PIK3CA: variants seen among roughly 807,000 people sequenced by gnomAD.
PIK3CA encodes phosphatidylinositol 4,5-bisphosphate 3-kinase catalytic subunit alpha isoform.
A neutral mutation model predicts 138.2 loss-of-function variants in PIK3CA; 27 were observed. That is an observed-to-expected ratio of 0.20 (90% CI 0.14 to 0.27). The LOEUF (loss-of-function observed/expected upper bound fraction) is 0.27, where lower values mean the gene tolerates loss of function less well. Ranked by LOEUF, PIK3CA falls within the 10% of genes least tolerant of loss-of-function variation. The pLI, the probability that PIK3CA is intolerant of heterozygous loss-of-function variation, is 1.00. For synonymous variants in PIK3CA, 358 were observed against 413.2 expected (o/e 0.87, Z 1.62); for missense variants, 544 against 1,277.4 (o/e 0.43, Z 8.75).
intron 7 of PIK3CA, 66 bp downstream of exon 7, chr3:179,209,766 A>AT: frequency 2.5e-6 from 2 of 803,608 alleles, no homozygotes; most frequent in South Asian, 2.2e-5. Context: ...CGCTGATTGA[A>AT]TTTTTTCACA....
intron 1 of PIK3CA, among the ~76,000 whole-genome samples, chr3:179,158,013 A>G (rs1184555834): frequency 6.6e-6 from 1 of 152,134 alleles, no homozygotes; most frequent in Non-Finnish European, 1.5e-5. Flanking sequence ...AGTATCTGTG[A>G]ACTCCTTGAG....
chr3:179,194,350 A>G (rs1266100720), intron 1 of PIK3CA, among the ~76,000 whole-genome samples: 1 of 152,102 alleles, frequency 6.6e-6, no homozygotes. Context: ...CAGCCTCCTG[A>G]GTACCTGGGA....
chr3:179,224,313 C>A, intron 15 of PIK3CA, 126 bp downstream of exon 15: 1 of 548,762 alleles, frequency 1.8e-6, no homozygotes, highest in Non-Finnish European at 3.2e-6. Context: ...CTCTCATTCT[C>A]CTACCCTCAA....
At chr3:179,166,987 T>C (rs1204039114) in intron 1 of PIK3CA, among the ~76,000 whole-genome samples, 1 of 152,168 alleles carries the variant, frequency 6.6e-6, no homozygotes, top group African/African-American at 2.4e-5. Flanking sequence ...GTCAGCTTTT[T>C]ACTTTTTCTG....
intron 20 of PIK3CA, chr3:179,233,494 A>C (rs1188105074): frequency 1.3e-5 from 5 of 393,646 alleles, no homozygotes; most frequent in East Asian, 7.2e-5. Context: ...TGTTGAGCTA[A>C]TTAAGGCCTA....
chr3:179,151,320 T>C (rs568304277), intron 1 of PIK3CA, among the ~76,000 whole-genome samples: 1 of 152,348 alleles, frequency 6.6e-6, no homozygotes, highest in South Asian at 2.1e-4. Context: ...CTCCTTTCAC[T>C]GTATCATGCT....
intron 17 of PIK3CA, among the ~76,000 whole-genome samples, chr3:179,226,290 G>T (rs1725080576): frequency 6.6e-6 from 1 of 152,002 alleles, no homozygotes; most frequent in Admixed American, 6.6e-5. Flanking sequence ...TCACCATTAG[G>T]AACAAGACAA....
Position 179,234,144 on chromosome 3 carries a change from A to G in PIK3CA, c.2987A>G (p.Asn996Ser), listed in dbSNP as rs1245520052. Residue 996 changes from asparagine (N) to serine (S), a missense_variant, in exon 21 of 21, where the codon AAT becomes AGT. Around this residue, in one of 14 missense-constraint regions of PIK3CA, gnomAD observed 13 missense variants for 17.3 expected, o/e 0.75. Transcript: ENST00000263967. The surrounding 1 kb of genome is among the most constrained non-coding windows in gnomAD (Gnocchi z 5.1). Reference sequence around the variant, plus strand: ...TATCTAGCTATTCGACAGCATGCCAATCTCTTCATAAATCTTTTCTCAATG... The same window carrying G: ...TATCTAGCTATTCGACAGCATGCCAGTCTCTTCATAAATCTTTTCTCAATG... ...KAYLAIRQHA[N>S]LFINLFSMML... 1.2e-6 allele frequency: 2 copies of G among 1,612,892 alleles called. No homozygotes were observed. Among genetic ancestry groups the G allele is most frequent in the East Asian group, 2.2e-5 (1 of 44,866 alleles).
Position 179,234,182 on chromosome 3 carries a change from G to A in PIK3CA, c.3025G>A (p.Gly1009Arg), listed in dbSNP as rs778888233. Residue 1009 changes from glycine (G) to arginine (R), a missense_variant, in exon 21 of 21, where the codon GGA becomes AGA. Around this residue, in one of 14 missense-constraint regions of PIK3CA, gnomAD observed 12 missense variants for 75.3 expected, o/e 0.16. Transcript: ENST00000263967. The surrounding 1 kb of genome is among the most constrained non-coding windows in gnomAD (Gnocchi z 5.1). ...TCTTTTCTCAATGATGCTTGGCTCT[G>A]GAATGCCAGAACTACAATCTTTTGA... The part of the protein sequence containing the change: ...INLFSMMLGS[G>R]MPELQSFDDI... 1 of 1,613,600 alleles carries A rather than the reference G, an allele frequency of 6.2e-7. No individual in the cohort carries two copies. The highest frequency in any genetic ancestry group is 1.1e-5 in the South Asian group (1 of 91,050).
chr3:179,194,509 A>G (rs1018116195), intron 1 of PIK3CA, among the ~76,000 whole-genome samples: 1 of 151,988 alleles, frequency 6.6e-6, no homozygotes, highest in African/African-American at 2.4e-5. Flanking sequence ...GTGAGCCACA[A>G]CCCCCAGCCC....
intron 9 of PIK3CA, 144 bp from the exon 10 acceptor site, chr3:179,218,066 A>G (rs1368783493): frequency 8.5e-6 from 6 of 708,214 alleles, no homozygotes; most frequent in Non-Finnish European, 1.3e-5. Flanking sequence ...AAAGTCTTGC[A>G]ATGAAAATAA....
chr3:179,180,711 G>C (rs1405436767), intron 1 of PIK3CA, among the ~76,000 whole-genome samples: 2 of 152,136 alleles, frequency 1.3e-5, no homozygotes, highest in East Asian at 3.8e-4. Flanking sequence ...AGCAGAGTAA[G>C]AGGTACCAAC....
intron 6 of PIK3CA, among the ~76,000 whole-genome samples, chr3:179,208,376 C>T (rs1724622587): frequency 6.6e-6 from 1 of 152,164 alleles, no homozygotes. Context: ...ATATGAGCTT[C>T]TATCATGGGA....
At chr3:179,222,005 G>C (rs1049055778) in intron 14 of PIK3CA, among the ~76,000 whole-genome samples, 3 of 151,904 alleles carry the variant, frequency 2.0e-5, no homozygotes, top group African/African-American at 4.8e-5. Context: ...ACTGTGCCTA[G>C]CCCAATGTAA....
intron 1 of PIK3CA, among the ~76,000 whole-genome samples, chr3:179,160,126 A>AT (rs1032519345): frequency 1.3e-5 from 2 of 152,116 alleles, no homozygotes; most frequent in African/African-American, 4.8e-5. Flanking sequence ...GCTACACTAG[A>AT]TTTTTTAAAA....
chr3:179,195,579 A>G (rs1404654700), intron 1 of PIK3CA, among the ~76,000 whole-genome samples: 1 of 152,182 alleles, frequency 6.6e-6, no homozygotes, highest in Non-Finnish European at 1.5e-5. Context: ...CAAAATTTGA[A>G]TCTAGTGTAG....
At chr3:179,153,471 A>G (rs1723061394) in intron 1 of PIK3CA, among the ~76,000 whole-genome samples, 1 of 152,220 alleles carries the variant, frequency 6.6e-6, no homozygotes, top group Non-Finnish European at 1.5e-5. Flanking sequence ...CTGGTGGTCA[A>G]AGGTACACAA....
rs199548071 is a variant in PIK3CA, at chr3:179,204,604, G to A, written c.1145+16G>A. 6.4e-6 allele frequency: 8 copies of A among 1,247,772 alleles called. No homozygotes were observed. Among genetic ancestry groups the A allele is most frequent in the Non-Finnish European group, 9.4e-6 (8 of 848,064 alleles). 77.3% of individuals were successfully genotyped at this position (1,247,772 alleles called of 1,614,324 possible). ...CCAATCCCAGGTAAGGAAGTATATA[G>A]ATTTATATTTCCAAAGGTTATATTA... On this transcript the variant is annotated intron_variant, in intron 6 of 20. Coordinates refer to ENST00000263967, the MANE Select transcript of PIK3CA (RefSeq NM_006218.4).
chr3:179,194,330 C>T (rs1232520097), intron 1 of PIK3CA, among the ~76,000 whole-genome samples: 1 of 152,038 alleles, frequency 6.6e-6, no homozygotes, highest in Non-Finnish European at 1.5e-5. Context: ...CTAAAATGAT[C>T]CTCCCACCTC....
Sources: allele counts gnomAD v4.1 joint callset (sites outside exome capture counted in the v4.1 genomes callset), GRCh38; gene constraint gnomAD v4.1.1; regional missense constraint gnomAD v4.1.1; non-coding constraint Gnocchi (gnomAD v3.1); transcripts MANE v1.5; gene names NCBI Gene and HGNC (gene_info 2026-07-23, HGNC 2026-07-21).